Variants in ADGRB1 observed in about 807,000 individuals in gnomAD.
ADGRB1 encodes the protein adhesion G protein-coupled receptor B1.
A neutral mutation model predicts 175.7 loss-of-function variants in ADGRB1; 36 were observed. That is an observed-to-expected ratio of 0.20 (90% CI 0.16 to 0.27). The LOEUF is 0.27. ADGRB1 is among the 10% of genes least tolerant of loss of function. The pLI, the probability that ADGRB1 is intolerant of heterozygous loss-of-function variation, is 1.00. For missense variants in ADGRB1, 1,731 were observed against 2,255.3 expected, an observed-to-expected ratio of 0.77 and a Z score of 4.71; for synonymous variants, 1,054 against 979.4, an observed-to-expected ratio of 1.08 and a Z score of -1.42.
chr8:142,516,886 T>C (rs1234119584), intron 18 of ADGRB1, among the ~76,000 whole-genome samples: 1 of 152,174 alleles, frequency 6.6e-6, no homozygotes, highest in Non-Finnish European at 1.5e-5. Context: ...AGAAGCGATG[T>C]CAGCCTGAGT....
At chr8:142,541,741 C>G (rs1005333515) in intron 27 of ADGRB1, among the ~76,000 whole-genome samples, 200 bp from the exon 28 acceptor site, 1 of 152,168 alleles carries the variant, frequency 6.6e-6, no homozygotes, top group African/African-American at 2.4e-5. Flanking sequence ...GACACAGGAA[C>G]CCTAGGGGCC....
At chr8:142,532,201 T>C (rs2132218950) in intron 24 of ADGRB1, among the ~76,000 whole-genome samples, 1 of 152,274 alleles carries the variant, frequency 6.6e-6, no homozygotes, top group South Asian at 2.1e-4. Context: ...ATGACAGTCC[T>C]GCGGGCTGTG....
rs535731466 is a variant in ADGRB1 at position 142,544,639 on chromosome 8, C to T, written c.*222C>T. 284 of 453,894 alleles carry T rather than the reference C, an allele frequency of 6.3e-4. 6 individuals are homozygous for T. In the South Asian group the frequency reaches 0.01, roughly 16 times the overall value. 28.1% of individuals were successfully genotyped at this position (453,894 alleles called of 1,614,324 possible). A position where few individuals can be genotyped will look rare whatever the true frequency, so the allele number is the denominator to read the frequency against. On this transcript the variant is annotated 3_prime_UTR_variant, in exon 31 of 31. Coordinates refer to ENST00000517894, the MANE Select transcript of ADGRB1 (RefSeq NM_001702.3). ...CCAGCGGGCACAGGGCACCAGAGGC[C>T]GAAGGTGCCTCAGACTCCGCCCTCC... is the stretch of plus-strand genomic sequence containing the variant.
At chr8:142,533,150 G>A in intron 24 of ADGRB1, 145 bp from the exon 25 acceptor site, 2 of 919,712 alleles carry the variant, frequency 2.2e-6, no homozygotes, top group South Asian at 3.8e-5. Context: ...CCCCAGAGAG[G>A]AAGGGCTGCT....
At chr8:142,490,637 C>A in intron 16 of ADGRB1, 135 bp from the exon 17 acceptor site, 1 of 1,048,040 alleles carries the variant, frequency 9.5e-7, no homozygotes, top group South Asian at 1.6e-5. Context: ...TTCCTCCTCG[C>A]AAAACGCAGT....
At position 142,501,018 on chromosome 8, in the gene ADGRB1, G is replaced by A. The variant is rs772135903; in HGVS notation, c.2676-9914G>A. On this transcript the variant is annotated intron_variant, in intron 17 of 30. Transcript: ENST00000517894. The stretch of plus-strand genomic sequence containing the variant: ...ACTGCGCCTTGGACATGGTGAGCAC[G>A]GGATAAACACTTGTTGTCGAATGCT... 2.6e-5 allele frequency among the ~76,000 whole-genome samples: 4 copies of A among 152,176 alleles called. No homozygotes were observed. In the East Asian group the frequency reaches 5.8e-4, roughly 22 times the overall value.
Position 142,536,969 on chromosome 8 carries a change from T to G in ADGRB1, c.3571-18T>G. 1.3e-6 allele frequency: 2 copies of G among 1,566,766 alleles called. No homozygotes were observed. Among genetic ancestry groups the G allele is most frequent in the Non-Finnish European group, 8.6e-7 (1 of 1,157,536 alleles). Reference sequence around the variant, plus strand: ...GGGGGCGTGGCTGCCACTGAGGTGCTCGGCTCTCCCTCCCCAGGTCCAGGA... The same window carrying G: ...GGGGGCGTGGCTGCCACTGAGGTGCGCGGCTCTCCCTCCCCAGGTCCAGGA... On this transcript the variant is annotated intron_variant, in intron 25 of 30. Transcript: ENST00000517894.
intron 18 of ADGRB1, among the ~76,000 whole-genome samples, chr8:142,517,057 G>A (rs2132087118): frequency 6.6e-6 from 1 of 152,294 alleles, no homozygotes; most frequent in South Asian, 2.1e-4. Context: ...AGTGGCCAGA[G>A]GCACAGTCAT....
At chr8:142,489,598 G>A (rs1841887468) in intron 16 of ADGRB1, among the ~76,000 whole-genome samples, 160 bp downstream of exon 16, 1 of 152,200 alleles carries the variant, frequency 6.6e-6, no homozygotes, top group Non-Finnish European at 1.5e-5. Context: ...AACAGGCTCA[G>A]AGAGGTGCGG....
chr8:142,503,350 G>A (rs767102455), intron 17 of ADGRB1, among the ~76,000 whole-genome samples: 12 of 152,104 alleles, frequency 7.9e-5, no homozygotes, highest in Admixed American at 2.0e-4. Flanking sequence ...GGCAGAGCTC[G>A]TGGGGGTGCC....
At chr8:142,490,384 AGTGCAGG>A (rs907805191) in intron 16 of ADGRB1, among the ~76,000 whole-genome samples, 2 of 152,194 alleles carry the variant, frequency 1.3e-5, no homozygotes, top group Admixed American at 6.5e-5. Flanking sequence ...ACGTCAGAGC[AGTGCAGG>A]GTGCTTACAG....
At chr8:142,514,338 G>T (rs1161060218) in intron 18 of ADGRB1, among the ~76,000 whole-genome samples, 1 of 152,134 alleles carries the variant, frequency 6.6e-6, no homozygotes, top group African/African-American at 2.4e-5. Flanking sequence ...CTGGCCTGGA[G>T]CCAGGGTGTC....
chr8:142,450,579 G>T (rs1181451633), intron 1 of ADGRB1, among the ~76,000 whole-genome samples: 1 of 151,918 alleles, frequency 6.6e-6, no homozygotes, highest in Non-Finnish European at 1.5e-5. Flanking sequence ...GCCCCCGAGC[G>T]TGTCCCCCTC....
At chr8:142,466,525 G>A (rs1020054203) in intron 2 of ADGRB1, among the ~76,000 whole-genome samples, 15 of 152,306 alleles carry the variant, frequency 9.8e-5, no homozygotes, top group Non-Finnish European at 7.3e-5. Flanking sequence ...GGGCAGTGGG[G>A]GGCCAGGAAG....
At position 142,477,098 on chromosome 8, in the gene ADGRB1, G is replaced by A. The variant is rs762311168; in HGVS notation, c.1058-16G>A. Reference sequence around the variant, plus strand: ...CCATGGGCGGCAGGCCTGTGACGCTGTAGTGGGGCCTGCAGGTGACCCAGC... The same window carrying A: ...CCATGGGCGGCAGGCCTGTGACGCTATAGTGGGGCCTGCAGGTGACCCAGC... On this transcript the variant is annotated splice_polypyrimidine_tract_variant and intron_variant, in intron 4 of 30. Transcript: ENST00000517894. 8.4e-6 allele frequency: 13 copies of A among 1,544,350 alleles called. No homozygotes were observed. The highest frequency in any genetic ancestry group is 3.6e-5 in the Admixed American group (2 of 55,664).
At chr8:142,475,852 A>T (rs1157153362) in intron 3 of ADGRB1, among the ~76,000 whole-genome samples, 1 of 129,080 alleles carries the variant, frequency 7.7e-6, no homozygotes. Flanking sequence ...CTGCAGGAAG[A>T]GTGAATAGGG....
rs1839248896 is a variant in ADGRB1, at chr8:142,450,123, G to C, written c.-220+19G>C. 2 of 149,442 alleles carry C rather than the reference G, an allele frequency of 1.3e-5. No individual in the cohort carries two copies. Among genetic ancestry groups the C allele is most frequent in the African/African-American group, 2.4e-5 (1 of 40,818 alleles). 9.3% of individuals were successfully genotyped at this position (149,442 alleles called of 1,614,324 possible). A position where few individuals can be genotyped will look rare whatever the true frequency, so the allele number is the denominator to read the frequency against. On this transcript the variant is annotated intron_variant, in intron 1 of 30. Transcript: ENST00000517894. ...GGGGAAGGTAAGGAAGGCTCCGGCG[G>C]GGGGCTGGGGGCGCGGCGGGTGGGG...
chr8:142,528,675 GC>G (rs1016861899), intron 24 of ADGRB1, among the ~76,000 whole-genome samples: 4 of 151,974 alleles, frequency 2.6e-5, no homozygotes, highest in Admixed American at 6.6e-5. Flanking sequence ...TCCCTCCTAG[GC>G]CCACCCTTGG....
At chr8:142,476,473 T>C (rs1840980711) in intron 3 of ADGRB1, 112 bp from the exon 4 acceptor site, 2 of 926,414 alleles carry the variant, frequency 2.2e-6, no homozygotes, top group Admixed American at 2.1e-5. Context: ...GGCTCCCAGC[T>C]GCCCAGTGGA....
Sources: gnomAD v4.1 joint callset for allele counts (sites outside exome capture counted in the v4.1 genomes callset) on GRCh38, gnomAD v4.1.1 for gene constraint, MANE v1.5 for transcripts, NCBI Gene and HGNC (gene_info 2026-07-23, HGNC 2026-07-21) for gene names.